The following HACL2 variants were observed in gnomAD, a reference collection of about 807,000 sequenced individuals.
The protein encoded by HACL2 is 2-hydroxyacyl-CoA lyase 1 like.
At chr19:15,117,731 A>G in the HACL2 span, 161,092 of 729,214 alleles carry the variant, frequency 0.22, 19,755 homozygotes, top group East Asian at 0.36. Flanking sequence ...TCAGTTTGAG[A>G]GCCAACTATT....
the HACL2 span, chr19:15,125,174 C>CCCCCA: frequency 8.5e-7 from 1 of 1,179,270 alleles, no homozygotes; most frequent in Non-Finnish European, 1.2e-6. Context: ...ACCCTTGCCG[C>CCCCCA]CAGTTTCTGT....
chr19:15,120,570 T>A, the HACL2 span, among the ~76,000 whole-genome samples: 1 of 152,230 alleles, frequency 6.6e-6, no homozygotes, highest in Non-Finnish European at 1.5e-5. Flanking sequence ...CTCGGTCTCC[T>A]TGCTCACTGG....
the HACL2 span, chr19:15,123,553 A>G: frequency 1.9e-6 from 3 of 1,614,014 alleles, no homozygotes; most frequent in Non-Finnish European, 2.5e-6. This position sits in a 1 kb window ranked among gnomAD's most constrained non-coding sequence, Gnocchi z 5.1. Flanking sequence ...TCTCTCCGCC[A>G]TGCCGGACGC....
chr19:15,121,345 T>C, the HACL2 span, among the ~76,000 whole-genome samples: 1 of 152,166 alleles, frequency 6.6e-6, no homozygotes, highest in African/African-American at 2.4e-5. Context: ...TACAGGAGCC[T>C]GACTACCTTG....
At chr19:15,123,435 C>A in the HACL2 span, 1 of 1,614,212 alleles carries the variant, frequency 6.2e-7, no homozygotes, top group Non-Finnish European at 8.5e-7. This position sits in a 1 kb window ranked among gnomAD's most constrained non-coding sequence, Gnocchi z 5.1. Context: ...CGTGTGTCCA[C>A]CACACGGATG....
the HACL2 span, chr19:15,124,948 G>A: frequency 6.2e-7 from 1 of 1,607,760 alleles, no homozygotes; most frequent in Non-Finnish European, 8.5e-7. Flanking sequence ...TGATAGAAGA[G>A]CCCCAGGCGG....
At chr19:15,124,695 G>C in the HACL2 span, 2 of 551,290 alleles carry the variant, frequency 3.6e-6, no homozygotes, top group Admixed American at 7.2e-5. Flanking sequence ...TGGGGTGCGA[G>C]TGCCCCGGCA....
chr19:15,119,175 C>T, the HACL2 span: 2 of 1,568,944 alleles, frequency 1.3e-6, no homozygotes, highest in African/African-American at 2.7e-5. Context: ...CCTGCTAGGA[C>T]AATGACATCC....
At chr19:15,122,949 G>T in the HACL2 span, 5 of 1,604,508 alleles carry the variant, frequency 3.1e-6, no homozygotes, top group Non-Finnish European at 8.5e-7. This position sits in a 1 kb window ranked among gnomAD's most constrained non-coding sequence, Gnocchi z 4.0. Context: ...ACAATGTCCC[G>T]CACCCTCCGC....
At chr19:15,123,480 T>C in the HACL2 span, 3 of 1,613,924 alleles carry the variant, frequency 1.9e-6, no homozygotes, top group Non-Finnish European at 2.5e-6. The surrounding 1 kb of genome is among the most constrained non-coding windows in gnomAD (Gnocchi z 5.1). Flanking sequence ...AGCGGGGAAA[T>C]GTGCCCACCG....
chr19:15,123,695 A>C, the HACL2 span: 13 of 858,100 alleles, frequency 1.5e-5, no homozygotes, highest in East Asian at 3.4e-4. The surrounding 1 kb of genome is among the most constrained non-coding windows in gnomAD (Gnocchi z 5.1). Flanking sequence ...GGTCAAGAGA[A>C]GCTTGGTCTT....
the HACL2 span, chr19:15,125,436 A>C: frequency 1.9e-5 from 4 of 214,002 alleles, no homozygotes; most frequent in African/African-American, 2.3e-5. Context: ...CGGACCCCAA[A>C]TCTCAGCCCC....
At chr19:15,118,606 ACT>A in the HACL2 span, among the ~76,000 whole-genome samples, 1 of 151,300 alleles carries the variant, frequency 6.6e-6, no homozygotes, top group African/African-American at 2.4e-5. Flanking sequence ...ATTCCTGCAG[ACT>A]CTACTTCAAG....
chr19:15,115,807 C>T, the HACL2 span: 1 of 1,603,358 alleles, frequency 6.2e-7, no homozygotes, highest in Non-Finnish European at 8.5e-7. Flanking sequence ...TGACATCTCC[C>T]AGAACCCCAG....
chr19:15,121,611 C>T, the HACL2 span, among the ~76,000 whole-genome samples: 2 of 151,980 alleles, frequency 1.3e-5, no homozygotes, highest in African/African-American at 4.8e-5. Context: ...GAGTTCAAGA[C>T]CAGCCTGGCC....
chr19:15,117,791 C>T, the HACL2 span: 1 of 1,515,026 alleles, frequency 6.6e-7, no homozygotes, highest in Non-Finnish European at 9.1e-7. Context: ...GCCTCAATCA[C>T]TGTACCAGGC....
chr19:15,116,309 C>A, the HACL2 span: 3 of 1,613,826 alleles, frequency 1.9e-6, no homozygotes, highest in African/African-American at 4.0e-5. Flanking sequence ...CCACAGGCAT[C>A]GCTGCCTTCT....
chr19:15,121,899 C>CT, the HACL2 span, among the ~76,000 whole-genome samples: 643 of 137,104 alleles, frequency 4.7e-3, 4 homozygotes, highest in African/African-American at 0.014. Flanking sequence ...GGCTCTGCCA[C>CT]TTTTTTTTTT....
chr19:15,124,434 A>G, the HACL2 span: 2 of 155,400 alleles, frequency 1.3e-5, no homozygotes, highest in Admixed American at 1.3e-4. Flanking sequence ...CCACCACACA[A>G]TCTCTCTGAG....
Sources: gnomAD v4.1 joint callset for allele counts (sites outside exome capture counted in the v4.1 genomes callset) on GRCh38, gnomAD v4.1.1 for gene constraint, Gnocchi (gnomAD v3.1) non-coding constraint, MANE v1.5 for transcripts, NCBI Gene and HGNC (gene_info 2026-07-23, HGNC 2026-07-21) for gene names.